The following DERA variants were observed in gnomAD, a reference collection of about 807,000 sequenced individuals.
DERA encodes the protein 2-deoxy-D-ribose 5-phosphate aldolase.
In DERA, 15 loss-of-function variants were observed where a neutral mutation model predicts 41.1. That is an observed-to-expected ratio of 0.37 (90% CI 0.24 to 0.56). The LOEUF (loss-of-function observed/expected upper bound fraction) is 0.56. DERA is among the 20% of genes least tolerant of loss of function. The pLI, the probability that DERA is intolerant of heterozygous loss-of-function variation, is 0.81. For synonymous variants in DERA, 139 were observed against 137.4 expected (o/e 1.01, Z -0.08); for missense variants, 396 against 403.4 (o/e 0.98, Z 0.16).
rs1204899371 is a variant in DERA at position 16,004,743 on chromosome 12, A to G, written c.637+22307A>G. Among the ~76,000 whole-genome samples the G allele has an allele frequency of 6.6e-6, 1 of 152,168 alleles. No individual in the cohort carries two copies. The highest frequency in any genetic ancestry group is 1.5e-5 in the Non-Finnish European group (1 of 68,022). On this transcript the variant is annotated intron_variant, in intron 6 of 8. Coordinates refer to ENST00000428559, the MANE Select transcript of DERA (RefSeq NM_015954.4). The surrounding 1 kb of genome is among the most constrained non-coding windows in gnomAD (Gnocchi z 4.2). ...CTTTTTTCAAAAACCAAGGTGGATTATGTTTATTAAATGTTTTTAAAAATT... is the reference window on the plus strand; with the variant it reads ...CTTTTTTCAAAAACCAAGGTGGATTGTGTTTATTAAATGTTTTTAAAAATT...
chr12:16,002,586 A>AT lies in DERA; in HGVS notation c.637+20157dup, dbSNP rs544173193. ...GTACTCATCTCCTCATGTGGTTACC[A>AT]TTTTTTTGTGTATGTGTGGTAAGAA... On this transcript the variant is annotated intron_variant, in intron 6 of 8. Coordinates refer to ENST00000428559, the MANE Select transcript of DERA (RefSeq NM_015954.4). Among the ~76,000 whole-genome samples, 189 of 152,256 alleles carry AT rather than the reference A, an allele frequency of 1.2e-3. 1 individual carries two copies. Among genetic ancestry groups the AT allele is most frequent in the African/African-American group, 3.7e-3 (154 of 41,546 alleles).
At chr12:15,923,172 G>A (rs1236068965) in intron 1 of DERA, among the ~76,000 whole-genome samples, 3 of 150,892 alleles carry the variant, frequency 2.0e-5, no homozygotes, top group Admixed American at 1.3e-4. Context: ...ACAGGCGCCC[G>A]CCACTACGCC....
chr12:15,963,678 A>G (rs1948604104), intron 5 of DERA, among the ~76,000 whole-genome samples: 1 of 152,196 alleles, frequency 6.6e-6, no homozygotes, highest in African/African-American at 2.4e-5. Flanking sequence ...AAAATTTTTA[A>G]TGAAATCACA....
In DERA at chr12:16,000,748, T is replaced by A. The variant is rs11056752; in HGVS notation, c.637+18312T>A. The stretch of plus-strand genomic sequence containing the variant: ...CACTGGCTTGATATTAACATTCTAG[T>A]GAATAATTAAAATATTCCTGTTTAT... On this transcript the variant is annotated intron_variant, in intron 6 of 8. Coordinates refer to ENST00000428559, the MANE Select transcript of DERA (RefSeq NM_015954.4). The surrounding 1 kb of genome is among the most constrained non-coding windows in gnomAD (Gnocchi z 4.8). Among the ~76,000 whole-genome samples the A allele has an allele frequency of 3.0e-4, 45 of 152,310 alleles. No homozygotes were observed. Among genetic ancestry groups the A allele is most frequent in the African/African-American group, 1.1e-3 (44 of 41,578 alleles).
intron 1 of DERA, among the ~76,000 whole-genome samples, chr12:15,949,865 A>G (rs1948483989): frequency 6.6e-6 from 1 of 152,166 alleles, no homozygotes; most frequent in African/African-American, 2.4e-5. Context: ...TTCTTTTTTA[A>G]AAATGCCGGT....
At position 15,996,313 on chromosome 12, in the gene DERA, T is replaced by C. The variant is rs1262095685; in HGVS notation, c.637+13877T>C. On this transcript the variant is annotated intron_variant, in intron 6 of 8. Transcript: ENST00000428559. This position sits in a 1 kb window ranked among gnomAD's most constrained non-coding sequence, Gnocchi z 4.7. Reference sequence around the variant, plus strand: ...ACAGAGTACCGCAAATTAGATGGCCTTAAGCAACAGAAATGTGTTCTTAAG... The same window carrying C: ...ACAGAGTACCGCAAATTAGATGGCCCTAAGCAACAGAAATGTGTTCTTAAG... Among the ~76,000 whole-genome samples, 1 of 152,062 alleles carries C rather than the reference T, an allele frequency of 6.6e-6. No individual in the cohort carries two copies. Among genetic ancestry groups the C allele is most frequent in the Admixed American group, 6.6e-5 (1 of 15,258 alleles).
Position 15,995,867 on chromosome 12 carries a change from C to T in DERA, c.637+13431C>T, listed in dbSNP as rs996877246. On this transcript the variant is annotated intron_variant, in intron 6 of 8. Coordinates refer to ENST00000428559, the MANE Select transcript of DERA (RefSeq NM_015954.4). The surrounding 1 kb of genome is among the most constrained non-coding windows in gnomAD (Gnocchi z 5.1). ...ATTTTCCTGATAAAGGAAGATTTTT[C>T]TCTCTTAACTCAAAGTAGTAGGACT... 6.6e-6 allele frequency among the ~76,000 whole-genome samples: 1 copy of T among 152,134 alleles called. No individual in the cohort carries two copies. Among genetic ancestry groups the T allele is most frequent in the African/African-American group, 2.4e-5 (1 of 41,414 alleles).
rs1041717470 is a variant in DERA, at chr12:16,008,744, C to T, written c.638-23798C>T. Among the ~76,000 whole-genome samples, 5 of 152,240 alleles carry T rather than the reference C, an allele frequency of 3.3e-5. No homozygotes were observed. The highest frequency in any genetic ancestry group is 7.2e-5 in the African/African-American group (3 of 41,534). ...TTGGGGCCGCTCTTGGCATTTCTCTCGTGGTTACAAGATGGCTGCCACAGC... is the reference window on the plus strand; with the variant it reads ...TTGGGGCCGCTCTTGGCATTTCTCTTGTGGTTACAAGATGGCTGCCACAGC... On this transcript the variant is annotated intron_variant, in intron 6 of 8. Coordinates refer to ENST00000428559, the MANE Select transcript of DERA (RefSeq NM_015954.4). This position sits in a 1 kb window ranked among gnomAD's most constrained non-coding sequence, Gnocchi z 4.8.
intron 5 of DERA, among the ~76,000 whole-genome samples, chr12:15,975,276 A>G (rs1442907358): frequency 9.4e-6 from 1 of 106,528 alleles, no homozygotes; most frequent in African/African-American, 3.3e-5. Flanking sequence ...TGGCTAGGAG[A>G]TGGAATCCTA....
chr12:15,947,841 T>C (rs908504114), intron 1 of DERA, among the ~76,000 whole-genome samples: 42 of 152,256 alleles, frequency 2.8e-4, no homozygotes, highest in African/African-American at 7.5e-4. Context: ...TTTCAGTGGC[T>C]GGTACCGGTT....
intron 1 of DERA, among the ~76,000 whole-genome samples, chr12:15,925,141 C>G (rs535678205): frequency 9.9e-5 from 15 of 152,244 alleles, no homozygotes; most frequent in African/African-American, 3.6e-4. Context: ...CCCTCCCACC[C>G]CCGAGCCCCA....
chr12:15,932,640 TA>T (rs1031142921), intron 1 of DERA, among the ~76,000 whole-genome samples: 3,322 of 144,784 alleles, frequency 0.023, 128 homozygotes, highest in African/African-American at 0.075. Context: ...AGAACCTGTT[TA>T]AAAAAAAAAA....
rs748026943 is a variant in DERA at position 15,958,247 on chromosome 12, T to TAC, written c.191_192dup (p.Ser65HisfsTer21). 1.7e-5 allele frequency: 27 copies of TAC among 1,595,320 alleles called. No homozygotes were observed. The Admixed American group carries it at 4.7e-4, about 28-fold the overall frequency. On this transcript the variant is annotated frameshift_variant, in exon 3 of 9. Coordinates refer to ENST00000428559, the MANE Select transcript of DERA (RefSeq NM_015954.4). LOFTEE classifies it high-confidence loss of function. The stretch of plus-strand genomic sequence containing the variant: ...ATCTTACTACACTTTCAGGTGATGA[T>TAC]ACATCTTCCAACATTCAAAGGCTCT...
Position 15,957,066 on chromosome 12 carries a change from A to G in DERA, c.129+33A>G, listed in dbSNP as rs748795653. ...TTCTTCTTGAGCATTCTGTGCCTGTATTTTACAATGCATGGTCTCTTCCCT... is the reference window on the plus strand; with the variant it reads ...TTCTTCTTGAGCATTCTGTGCCTGTGTTTTACAATGCATGGTCTCTTCCCT... On this transcript the variant is annotated intron_variant, in intron 2 of 8. Coordinates refer to ENST00000428559, the MANE Select transcript of DERA (RefSeq NM_015954.4). The surrounding 1 kb of genome is among the most constrained non-coding windows in gnomAD (Gnocchi z 4.8). 6.6e-7 allele frequency: 1 copy of G among 1,513,340 alleles called. No homozygotes were observed. Among genetic ancestry groups the G allele is most frequent in the East Asian group, 2.3e-5 (1 of 44,318 alleles). 93.7% of individuals were successfully genotyped at this position (1,513,340 alleles called of 1,614,324 possible).
chr12:16,023,472 T>C (rs1286561727), intron 6 of DERA, among the ~76,000 whole-genome samples: 1 of 141,946 alleles, frequency 7.0e-6, no homozygotes, highest in East Asian at 2.0e-4. Context: ...AAACTCAAAG[T>C]CTTTTTTTTT....
rs1948411836 is a variant in DERA at position 15,941,955 on chromosome 12, T to C, written c.32-14981T>C. 6.6e-6 allele frequency among the ~76,000 whole-genome samples: 1 copy of C among 152,228 alleles called. No individual in the cohort carries two copies. Among genetic ancestry groups the C allele is most frequent in the Admixed American group, 6.5e-5 (1 of 15,290 alleles). ...ATCCCCGTACTGTTTTCTGTAGTGG[T>C]TGTACTAATTTACATTCCCATCACC... On this transcript the variant is annotated intron_variant, in intron 1 of 8. Coordinates refer to ENST00000428559, the MANE Select transcript of DERA (RefSeq NM_015954.4). The surrounding 1 kb of genome is among the most constrained non-coding windows in gnomAD (Gnocchi z 4.5).
rs2136169897 is a variant in DERA, at chr12:15,995,270, A to T, written c.637+12834A>T. 6.6e-6 allele frequency among the ~76,000 whole-genome samples: 1 copy of T among 152,332 alleles called. No homozygotes were observed. The highest frequency in any genetic ancestry group is 6.5e-5 in the Admixed American group (1 of 15,310). On this transcript the variant is annotated intron_variant, in intron 6 of 8. Transcript: ENST00000428559. This position sits in a 1 kb window ranked among gnomAD's most constrained non-coding sequence, Gnocchi z 5.1. The stretch of plus-strand genomic sequence containing the variant: ...ATAGAGAGGCAAGGTGTTTGCAGAA[A>T]TTTATAGGAGTTGGTGAACATGAAA...
At chr12:15,949,676 G>T (rs1248184849) in intron 1 of DERA, among the ~76,000 whole-genome samples, 2 of 152,124 alleles carry the variant, frequency 1.3e-5, no homozygotes, top group Non-Finnish European at 2.9e-5. Context: ...CCCTGCTTCG[G>T]CTCACGCTCA....
chr12:15,923,362 C>T (rs1363182082), intron 1 of DERA, among the ~76,000 whole-genome samples: 1 of 152,154 alleles, frequency 6.6e-6, no homozygotes, highest in African/African-American at 2.4e-5. Context: ...TTCTGAAAAC[C>T]CTTCTGGTTC....
Sources: gnomAD v4.1 joint callset for allele counts (sites outside exome capture counted in the v4.1 genomes callset) on GRCh38, gnomAD v4.1.1 for gene constraint, Gnocchi (gnomAD v3.1) non-coding constraint, MANE v1.5 for transcripts, NCBI Gene and HGNC (gene_info 2026-07-23, HGNC 2026-07-21) for gene names.